TMC2: variants seen among roughly 807,000 people sequenced by gnomAD.
TMC2 encodes the protein transmembrane channel like 2, also known as transmembrane channel-like protein 2.
A neutral mutation model predicts 105.9 loss-of-function variants in TMC2; 102 were observed. That is an observed-to-expected ratio of 0.96 (90% confidence interval 0.82 to 1.14). The LOEUF (loss-of-function observed/expected upper bound fraction) is 1.14, where lower values mean the gene tolerates loss of function less well. TMC2 is among the 50% of genes most tolerant of loss of function. TMC2 has a pLI of 0.00. For synonymous variants in TMC2, 402 were observed against 422.8 expected, an observed-to-expected ratio of 0.95 and a Z score of 0.60; for missense variants, 1,093 against 1,134.3, an observed-to-expected ratio of 0.96 and a Z score of 0.52.
intron 2 of TMC2, among the ~76,000 whole-genome samples, chr20:2,543,000 G>A (rs987354426): frequency 6.6e-6 from 1 of 152,100 alleles, no homozygotes; most frequent in Admixed American, 6.6e-5. Flanking sequence ...ACTTTGGGAG[G>A]CCAAGGTGGG....
chr20:2,572,979 G>A (rs529074643), intron 5 of TMC2, among the ~76,000 whole-genome samples: 97 of 151,470 alleles, frequency 6.4e-4, no homozygotes, highest in African/African-American at 2.1e-3. Context: ...GGAGTGCAGC[G>A]TCACCACTCC....
rs543872612 is a variant in TMC2, at chr20:2,616,639, A to C, written c.1941-433A>C. On this transcript the variant is annotated intron_variant, in intron 15 of 19. Transcript: ENST00000358864. This position sits in a 1 kb window ranked among gnomAD's most constrained non-coding sequence, Gnocchi z 4.8. ...AACTATGGAACTCCCTCTTCTGAAA[A>C]GGGAGTTCAAGGAGGTACATAACTT... Among the ~76,000 whole-genome samples, 98 of 152,350 alleles carry C rather than the reference A, an allele frequency of 6.4e-4. 1 individual carries two copies. Among genetic ancestry groups the C allele is most frequent in the African/African-American group, 2.2e-3 (91 of 41,584 alleles).
At chr20:2,540,964 C>T (rs538133454) in intron 2 of TMC2, among the ~76,000 whole-genome samples, 7 of 152,230 alleles carry the variant, frequency 4.6e-5, no homozygotes, top group Non-Finnish European at 1.0e-4. Flanking sequence ...AGAACACACC[C>T]GGGACGCAGC....
chr20:2,573,806 C>T (rs545261688), intron 5 of TMC2, among the ~76,000 whole-genome samples: 10 of 151,412 alleles, frequency 6.6e-5, no homozygotes, highest in South Asian at 2.1e-4. Flanking sequence ...GTGATCCGCC[C>T]GCCTCGGCCT....
intron 16 of TMC2, among the ~76,000 whole-genome samples, chr20:2,622,422 C>A (rs1395638602): frequency 6.6e-6 from 1 of 152,188 alleles, no homozygotes; most frequent in African/African-American, 2.4e-5. Context: ...AATCCCAGTA[C>A]TTTGGGAGGC....
rs760556598 is a variant in TMC2, at chr20:2,610,507, G to C, written c.1502G>C (p.Gly501Ala). 1.2e-6 allele frequency: 2 copies of C among 1,613,808 alleles called. No homozygotes were observed. The highest frequency in any genetic ancestry group is 2.2e-5 in the South Asian group (2 of 91,028). Reference sequence around the variant, plus strand: ...CTGGAGAATTACCACCCACGCACTGGACTGAAGTGGCAGCTGGGACGCATC... The same window carrying C: ...CTGGAGAATTACCACCCACGCACTGCACTGAAGTGGCAGCTGGGACGCATC... ...AALENYHPRTGLKWQLGRIFA... is the reference protein window; with the variant it reads ...AALENYHPRTALKWQLGRIFA... Residue 501 changes from glycine (G) to alanine (A), a missense_variant, in exon 12 of 20, where the codon GGA becomes GCA. Physicochemically the swap from Gly to Ala is moderately conservative, Grantham distance 60. Coordinates refer to ENST00000358864, the MANE Select transcript of TMC2 (RefSeq NM_080751.3).
At chr20:2,599,295 TAAAAA>T (rs11473820) in intron 10 of TMC2, among the ~76,000 whole-genome samples, 1 of 126,832 alleles carries the variant, frequency 7.9e-6, no homozygotes, top group Non-Finnish European at 1.6e-5. Context: ...GGGATAATGT[TAAAAA>T]AAAAAAAAAA....
In TMC2 at chr20:2,643,463, T is replaced by C. The variant is rs558808502; in HGVS notation, c.*2112T>C. On this transcript the variant is annotated 3_prime_UTR_variant, in exon 20 of 20. Coordinates refer to ENST00000358864, the MANE Select transcript of TMC2 (RefSeq NM_080751.3). ...ACCCACCACAAACACAAACCAACCA[T>C]CCTGATCTGATGAAGTGTAATTTTA... Among the ~76,000 whole-genome samples the C allele has an allele frequency of 6.6e-6, 1 of 152,306 alleles. No individual in the cohort carries two copies. Among genetic ancestry groups the C allele is most frequent in the Non-Finnish European group, 1.5e-5 (1 of 68,022 alleles).
intron 2 of TMC2, among the ~76,000 whole-genome samples, 189 bp downstream of exon 2, chr20:2,537,505 T>C (rs6049838): frequency 0.36 from 54,217 of 151,772 alleles, 10,493 homozygotes; most frequent in South Asian, 0.44. Flanking sequence ...TCAGAGAAGG[T>C]GCTGCTCAGC....
At chr20:2,624,861 AAAT>A (rs1342017735) in intron 17 of TMC2, among the ~76,000 whole-genome samples, 7 of 152,322 alleles carry the variant, frequency 4.6e-5, no homozygotes, top group African/African-American at 1.7e-4. Context: ...TGCTCACTAG[AAAT>A]ATCAAAGTCC....
chr20:2,598,761 G>A (rs2086328113), intron 10 of TMC2, among the ~76,000 whole-genome samples: 1 of 151,998 alleles, frequency 6.6e-6, no homozygotes. Flanking sequence ...TTTTTTTCAT[G>A]TGAAGTGCTG....
At chr20:2,602,066 G>A in intron 10 of TMC2, 47 bp from the exon 11 acceptor site, 1 of 1,425,812 alleles carries the variant, frequency 7.0e-7, no homozygotes. Flanking sequence ...CATGGTTCTG[G>A]CATTTCTGGC....
intron 19 of TMC2, among the ~76,000 whole-genome samples, chr20:2,639,463 A>C (rs1437937162): frequency 6.6e-6 from 1 of 152,262 alleles, no homozygotes. Flanking sequence ...TATTCAGTAC[A>C]GTAAGTGTTG....
chr20:2,598,386 T>G (rs2146217171), intron 10 of TMC2, among the ~76,000 whole-genome samples: 1 of 139,554 alleles, frequency 7.2e-6, no homozygotes, highest in South Asian at 2.4e-4. Flanking sequence ...TCACAGACCT[T>G]GCCTCTACTT....
At chr20:2,574,921 T>C (rs1325420848) in intron 5 of TMC2, among the ~76,000 whole-genome samples, 4 of 152,102 alleles carry the variant, frequency 2.6e-5, no homozygotes, top group African/African-American at 9.7e-5. Context: ...ATGCGATGTT[T>C]CACCATGTTG....
At chr20:2,561,816 C>T (rs1164003605) in intron 3 of TMC2, 42 bp from the exon 4 acceptor site, 4 of 1,593,420 alleles carry the variant, frequency 2.5e-6, no homozygotes, top group Middle Eastern at 2.0e-4. Flanking sequence ...ACACCACCTC[C>T]TTTCCAACTT....
chr20:2,576,900 G>GTTTTTTTTT (rs796520290), intron 5 of TMC2, among the ~76,000 whole-genome samples: 1 of 118,680 alleles, frequency 8.4e-6, no homozygotes. Flanking sequence ...TTTCTTCTTG[G>GTTTTTTTTT]TTTTTTTTTT....
intron 2 of TMC2, among the ~76,000 whole-genome samples, chr20:2,541,846 C>A (rs187888340): frequency 2.6e-5 from 4 of 151,934 alleles, no homozygotes; most frequent in Non-Finnish European, 4.4e-5. Flanking sequence ...GACAGGAAAT[C>A]CCATTATTGA....
chr20:2,569,499 T>C (rs1832893960), intron 4 of TMC2, among the ~76,000 whole-genome samples: 1 of 152,208 alleles, frequency 6.6e-6, no homozygotes, highest in South Asian at 2.1e-4. Context: ...ATGGTTCAAC[T>C]TACAATTTTT....
Sources: gnomAD v4.1 joint callset for allele counts (sites outside exome capture counted in the v4.1 genomes callset) on GRCh38, gnomAD v4.1.1 for gene constraint, Gnocchi (gnomAD v3.1) non-coding constraint, MANE v1.5 for transcripts, NCBI Gene and HGNC (gene_info 2026-07-23, HGNC 2026-07-21) for gene names.